Variants in FOXN3 observed in about 807,000 individuals in gnomAD.
FOXN3 encodes the protein forkhead box protein N3.
In FOXN3, 7 loss-of-function variants were observed where a neutral mutation model predicts 38.4. That is an observed-to-expected ratio of 0.18 (90% CI 0.10 to 0.34). FOXN3 has a LOEUF of 0.34. Ranked by LOEUF, FOXN3 falls within the 10% of genes least tolerant of loss-of-function variation. The pLI, the probability that FOXN3 is intolerant of heterozygous loss-of-function variation, is 1.00. For missense variants in FOXN3, 456 were observed against 613.4 expected, an observed-to-expected ratio of 0.74 and a Z score of 2.71; for synonymous variants, 230 against 242.2, an observed-to-expected ratio of 0.95 and a Z score of 0.47.
intron 1 of FOXN3, among the ~76,000 whole-genome samples, chr14:89,530,986 T>G (rs1894550196): frequency 6.8e-6 from 1 of 147,716 alleles, no homozygotes; most frequent in African/African-American, 2.5e-5. Flanking sequence ...TACATATATA[T>G]CTACACATAT....
intron 1 of FOXN3, among the ~76,000 whole-genome samples, chr14:89,532,122 C>T (rs1894583741): frequency 6.6e-6 from 1 of 152,168 alleles, no homozygotes; most frequent in Non-Finnish European, 1.5e-5. Context: ...CTGTTAATTG[C>T]CTTCCAGGTG....
intron 4 of FOXN3, among the ~76,000 whole-genome samples, chr14:89,257,537 T>C (rs1885661957): frequency 6.6e-6 from 1 of 152,206 alleles, no homozygotes; most frequent in African/African-American, 2.4e-5. Context: ...TTAGGAAATC[T>C]CTCAAAATCC....
chr14:89,300,330 C>T (rs560615372), intron 3 of FOXN3, among the ~76,000 whole-genome samples: 1 of 151,988 alleles, frequency 6.6e-6, no homozygotes, highest in Admixed American at 6.5e-5. Flanking sequence ...TTACAGGCAC[C>T]CGCCATCATG....
chr14:89,435,519 C>T (rs145199589), intron 1 of FOXN3, among the ~76,000 whole-genome samples: 33 of 152,262 alleles, frequency 2.2e-4, no homozygotes, highest in East Asian at 5.8e-4. Flanking sequence ...ACGTCCATGG[C>T]GCTCCCAGAT....
rs549520533 is a variant in FOXN3, at chr14:89,170,143, G to T, written c.852-7174C>A. Among the ~76,000 whole-genome samples the T allele has an allele frequency of 3.3e-5, 5 of 152,282 alleles. No homozygotes were observed. The East Asian group carries it at 9.6e-4, about 29-fold the overall frequency. ...ATAAACAGTCATTCAACAGTCTAAGGATTCAACCCATCAGGAAGATAAAAC... is the reference window on the plus strand; with the variant it reads ...ATAAACAGTCATTCAACAGTCTAAGTATTCAACCCATCAGGAAGATAAAAC... On this transcript the variant is annotated intron_variant, in intron 5 of 5. Transcript: ENST00000557258.
intron 1 of FOXN3, among the ~76,000 whole-genome samples, chr14:89,530,220 G>A (rs1894528116): frequency 6.6e-6 from 1 of 152,128 alleles, no homozygotes. Context: ...TTACAGGCGT[G>A]AGCCACTGCA....
At chr14:89,482,711 G>C (rs576492976) in intron 1 of FOXN3, among the ~76,000 whole-genome samples, 14 of 147,732 alleles carry the variant, frequency 9.5e-5, no homozygotes, top group Middle Eastern at 3.6e-3. Flanking sequence ...GAGTTCAAGA[G>C]CAGCCTGGCC....
intron 3 of FOXN3, among the ~76,000 whole-genome samples, chr14:89,337,238 G>A (rs1888488145): frequency 6.6e-6 from 1 of 152,188 alleles, no homozygotes; most frequent in Admixed American, 6.5e-5. Context: ...TAGCATTTGG[G>A]TGACTTTCTT....
intron 4 of FOXN3, among the ~76,000 whole-genome samples, chr14:89,194,029 T>G (rs2139811790): frequency 6.6e-6 from 1 of 152,334 alleles, no homozygotes; most frequent in South Asian, 2.1e-4. Context: ...ATTTTTTAGT[T>G]AGGTGGTTCA....
At chr14:89,428,210 T>C in intron 1 of FOXN3, among the ~76,000 whole-genome samples, 1 of 152,254 alleles carries the variant, frequency 6.6e-6, no homozygotes, top group East Asian at 1.9e-4. Context: ...CATATTTCCC[T>C]GCAGCACAAA....
intron 1 of FOXN3, among the ~76,000 whole-genome samples, chr14:89,415,048 G>A (rs1265216470): frequency 6.6e-6 from 1 of 152,148 alleles, no homozygotes; most frequent in Non-Finnish European, 1.5e-5. Flanking sequence ...GTCTGATCCT[G>A]CTTTTAACTT....
At chr14:89,612,816 G>A (rs1197624182) in intron 1 of FOXN3, among the ~76,000 whole-genome samples, 1 of 150,514 alleles carries the variant, frequency 6.6e-6, no homozygotes, top group Non-Finnish European at 1.5e-5. Flanking sequence ...GACAGAGTGA[G>A]ACCCTGCTTA....
chr14:89,324,469 T>C (rs896714375), intron 3 of FOXN3, among the ~76,000 whole-genome samples: 4 of 151,874 alleles, frequency 2.6e-5, no homozygotes, highest in Admixed American at 6.6e-5. Context: ...TGTGTGTGTG[T>C]GTGTGTGTGT....
intron 1 of FOXN3, chr14:89,576,374 A>C (rs1352171121): frequency 6.6e-6 from 1 of 152,196 alleles, no homozygotes; most frequent in African/African-American, 2.4e-5. Flanking sequence ...AATAAAATTA[A>C]TGAGAGAATG....
At chr14:89,240,008 T>C (rs1885096065) in intron 4 of FOXN3, among the ~76,000 whole-genome samples, 1 of 152,236 alleles carries the variant, frequency 6.6e-6, no homozygotes, top group South Asian at 2.1e-4. Context: ...CATCCAGCAG[T>C]GACTGGTCAA....
intron 1 of FOXN3, among the ~76,000 whole-genome samples, chr14:89,610,942 C>T (rs1017293971): frequency 3.9e-5 from 6 of 152,214 alleles, no homozygotes; most frequent in Non-Finnish European, 8.8e-5. Context: ...TTAGTTCCAT[C>T]AAGTTCTGAT....
At chr14:89,409,565 A>C (rs1013483284) in intron 2 of FOXN3, 1 of 152,280 alleles carries the variant, frequency 6.6e-6, no homozygotes, top group African/African-American at 2.4e-5. Context: ...AGATTCAAGC[A>C]TGCAGGAACT....
intron 4 of FOXN3, among the ~76,000 whole-genome samples, chr14:89,264,700 A>C (rs1885916714): frequency 6.6e-6 from 1 of 152,228 alleles, no homozygotes; most frequent in African/African-American, 2.4e-5. Flanking sequence ...TTCCATCGTC[A>C]GGAACCTGGC....
chr14:89,365,120 G>T (rs941384489), intron 2 of FOXN3, among the ~76,000 whole-genome samples: 18 of 152,136 alleles, frequency 1.2e-4, no homozygotes, highest in Non-Finnish European at 2.6e-4. Flanking sequence ...CGCTTTGCAG[G>T]AATCTCTGTT....
Sources: gnomAD v4.1 joint callset for allele counts (sites outside exome capture counted in the v4.1 genomes callset) on GRCh38, gnomAD v4.1.1 for gene constraint, MANE v1.5 for transcripts, NCBI Gene and HGNC (gene_info 2026-07-23, HGNC 2026-07-21) for gene names.